The following LCOR variants were observed in gnomAD, a reference collection of about 807,000 sequenced individuals.
LCOR encodes ligand dependent nuclear receptor corepressor.
In LCOR, 14 loss-of-function variants were observed where a neutral mutation model predicts 64.4. That is an observed-to-expected ratio of 0.22 (90% CI 0.14 to 0.34). LCOR has a LOEUF of 0.34. Ranked by LOEUF, LCOR falls within the 10% of genes least tolerant of loss-of-function variation. The probability of loss-of-function intolerance (pLI) is 1.00; values close to 1 mark genes in which losing one functional copy is unlikely to be tolerated. For synonymous variants in LCOR, 643 were observed against 642.5 expected, an observed-to-expected ratio of 1.00 and a Z score of -0.01; for missense variants, 1,686 against 1,765.3, an observed-to-expected ratio of 0.96 and a Z score of 0.80.
At position 96,984,122 on chromosome 10, in the gene LCOR, C is replaced by T. The variant is rs1333388283; in HGVS notation, c.3662C>T (p.Ala1221Val). The change falls in exon 8 of 8, where the codon GCT becomes GTT. Residue 1221 changes from alanine (A) to valine (V), a missense_variant. Transcript: ENST00000421806. ...PPVKHPLQKYAPSSLYPSSLQ... is the reference protein window; with the variant it reads ...PPVKHPLQKYVPSSLYPSSLQ... ...GTCAAGCATCCTCTTCAGAAATACG[C>T]TCCTTCCAGCCTATATCCCAGTTCA... The T allele has an allele frequency of 6.2e-7, 1 of 1,614,046 alleles. No homozygotes were observed. Among genetic ancestry groups the T allele is most frequent in the African/African-American group, 1.3e-5 (1 of 74,920 alleles).
chr10:96,956,442 G>T (rs1450379984), intron 7 of LCOR: 1 of 984,804 alleles, frequency 1.0e-6, no homozygotes, highest in African/African-American at 1.7e-5. Context: ...AAACTAAGAA[G>T]AACAATGAAC....
intron 2 of LCOR, among the ~76,000 whole-genome samples, chr10:96,883,566 A>T (rs1846296872): frequency 6.6e-6 from 1 of 151,952 alleles, no homozygotes; most frequent in Admixed American, 6.6e-5. Flanking sequence ...GTTGTATCTC[A>T]TTGTTGTTTC....
intron 2 of LCOR, among the ~76,000 whole-genome samples, chr10:96,834,363 A>G (rs1845403922): frequency 6.6e-6 from 1 of 152,200 alleles, no homozygotes; most frequent in Non-Finnish European, 1.5e-5. Context: ...TGCCAATCCA[A>G]GACCAGTGCT....
At chr10:96,836,993 CTTTT>C (rs1217375296) in intron 2 of LCOR, among the ~76,000 whole-genome samples, 1 of 139,862 alleles carries the variant, frequency 7.1e-6, no homozygotes, top group Non-Finnish European at 1.6e-5. Flanking sequence ...GACACAGATT[CTTTT>C]TTTTTTTTTT....
At position 96,849,481 on chromosome 10, in the gene LCOR, A is replaced by G. The variant is rs547337527; in HGVS notation, c.-330+16002A>G. ...CGCCTCGGCCTCCCGAAGTGCTGTG[A>G]TTGCAGCCGCGAGCCACCACGCCCA... On this transcript the variant is annotated intron_variant, in intron 2 of 7. Transcript: ENST00000421806. Among the ~76,000 whole-genome samples, 39 of 152,230 alleles carry G rather than the reference A, an allele frequency of 2.6e-4. 1 individual carries two copies. The highest frequency in any genetic ancestry group is 3.9e-4 in the Admixed American group (6 of 15,280).
At chr10:96,867,872 T>C (rs1195465114) in intron 2 of LCOR, among the ~76,000 whole-genome samples, 3 of 152,106 alleles carry the variant, frequency 2.0e-5, no homozygotes, top group Non-Finnish European at 2.9e-5. Flanking sequence ...AACGATGATG[T>C]TGAATATATT....
chr10:96,889,854 A>G (rs188634541), intron 2 of LCOR, among the ~76,000 whole-genome samples: 11 of 152,288 alleles, frequency 7.2e-5, no homozygotes, highest in African/African-American at 2.6e-4. Context: ...CTGCTGTTCA[A>G]TACTGCTGTG....
intron 2 of LCOR, among the ~76,000 whole-genome samples, chr10:96,888,315 G>T (rs1275460226): frequency 8.8e-6 from 1 of 113,356 alleles, no homozygotes; most frequent in African/African-American, 3.4e-5. Flanking sequence ...CAGTGAGCCA[G>T]ATCATGCCAC....
At chr10:96,846,100 G>T (rs1022572302) in intron 2 of LCOR, among the ~76,000 whole-genome samples, 1 of 151,938 alleles carries the variant, frequency 6.6e-6, no homozygotes, top group Admixed American at 6.6e-5. Context: ...TTGGCTACTC[G>T]GGAGGCTGAG....
chr10:96,915,181 C>T (rs923700259), intron 4 of LCOR, among the ~76,000 whole-genome samples: 2 of 152,254 alleles, frequency 1.3e-5, no homozygotes, highest in Admixed American at 6.5e-5. Context: ...CCCCCAAAAA[C>T]GACAATGAAG....
At chr10:96,906,758 T>G (rs1034748977) in intron 2 of LCOR, among the ~76,000 whole-genome samples, 1 of 152,224 alleles carries the variant, frequency 6.6e-6, no homozygotes, top group African/African-American at 2.4e-5. Flanking sequence ...TTTAAAAGTC[T>G]TGTACCTTCT....
chr10:96,910,251 A>C (rs892329906), intron 4 of LCOR, among the ~76,000 whole-genome samples: 2 of 150,728 alleles, frequency 1.3e-5, no homozygotes, highest in Admixed American at 1.3e-4. Context: ...GAAATGGTGA[A>C]GCACTTAAAA....
In LCOR at chr10:96,889,389, T is replaced by C. The variant is rs569436253; in HGVS notation, c.-329-17876T>C. On this transcript the variant is annotated intron_variant, in intron 2 of 7. Transcript: ENST00000421806. Reference sequence around the variant, plus strand: ...TTGAACCACAGATACTTATTTCTTATAGTTCTGAAGGCTGGAAGTACAGAT... The same window carrying C: ...TTGAACCACAGATACTTATTTCTTACAGTTCTGAAGGCTGGAAGTACAGAT... Among the ~76,000 whole-genome samples, 4 of 152,332 alleles carry C rather than the reference T, an allele frequency of 2.6e-5. No individual in the cohort carries two copies. The East Asian group carries it at 5.8e-4, about 22-fold the overall frequency.
chr10:96,983,490 C>G lies in LCOR; in HGVS notation c.3030C>G (p.Cys1010Trp). Reference protein sequence around the residue: ...QQKDDESDAPCSSLGLSSSGS... With the variant: ...QQKDDESDAPWSSLGLSSSGS... ...AAGATGATGAGAGTGATGCCCCATG[C>G]AGCTCTCTTGGGTTGTCGAGTAGTG... The change falls in exon 8 of 8, where the codon TGC becomes TGG. Residue 1010 changes from cysteine to tryptophan, a missense_variant. Around this residue, in one of 3 missense-constraint regions of LCOR, gnomAD observed 1,293 missense variants for 1,410.4 expected, o/e 0.92. Coordinates refer to ENST00000421806, the MANE Select transcript of LCOR (RefSeq NM_001346516.2). This position sits in a 1 kb window ranked among gnomAD's most constrained non-coding sequence, Gnocchi z 4.5. 6.2e-7 allele frequency: 1 copy of G among 1,614,076 alleles called. No individual in the cohort carries two copies. Among genetic ancestry groups the G allele is most frequent in the Non-Finnish European group, 8.5e-7 (1 of 1,180,026 alleles).
intron 4 of LCOR, among the ~76,000 whole-genome samples, chr10:96,920,660 A>ATG (rs1423181697): frequency 3.7e-5 from 5 of 135,058 alleles, no homozygotes; most frequent in Admixed American, 1.5e-4. Flanking sequence ...ATGTGTATAT[A>ATG]TGTATATATG....
intron 4 of LCOR, among the ~76,000 whole-genome samples, chr10:96,920,751 T>TATATGTACACACACACACACAC (rs761907103): frequency 8.4e-6 from 1 of 118,884 alleles, no homozygotes; most frequent in African/African-American, 3.9e-5. Flanking sequence ...TATATATGTA[T>TATATGTACACACACACACACAC]ACACACACAC....
intron 2 of LCOR, among the ~76,000 whole-genome samples, chr10:96,843,218 G>A (rs912852347): frequency 6.6e-6 from 1 of 152,142 alleles, no homozygotes; most frequent in Non-Finnish European, 1.5e-5. Flanking sequence ...TCAAACTCCT[G>A]GGGTCAAAGT....
intron 6 of LCOR, among the ~76,000 whole-genome samples, chr10:96,951,358 C>T (rs1847675138): frequency 6.6e-6 from 1 of 152,068 alleles, no homozygotes; most frequent in Non-Finnish European, 1.5e-5. Context: ...CAGTTTCATT[C>T]TTCTTTCTTT....
chr10:96,854,740 A>G (rs561775975), intron 2 of LCOR, among the ~76,000 whole-genome samples: 2 of 152,318 alleles, frequency 1.3e-5, no homozygotes, highest in African/African-American at 4.8e-5. Flanking sequence ...ATTCTTTTGT[A>G]TAGAAACAGA....
Sources: gnomAD v4.1 joint callset for allele counts (sites outside exome capture counted in the v4.1 genomes callset) on GRCh38, gnomAD v4.1.1 for gene constraint, gnomAD v4.1.1 regional missense constraint, Gnocchi (gnomAD v3.1) non-coding constraint, MANE v1.5 for transcripts, NCBI Gene and HGNC (gene_info 2026-07-23, HGNC 2026-07-21) for gene names.